Variants in NPTN observed in about 807,000 individuals in gnomAD.
The protein encoded by NPTN is SDR-1.
In NPTN, 5 loss-of-function variants were observed where a neutral mutation model predicts 42.7. The observed-to-expected ratio is 0.12, with a 90% CI of 0.06 to 0.25. The LOEUF is 0.25. NPTN is among the 10% of genes least tolerant of loss of function. NPTN has a pLI of 1.00. For missense variants in NPTN, 307 were observed against 525.4 expected (o/e 0.58, Z 4.06); for synonymous variants, 180 against 201.9 (o/e 0.89, Z 0.92).
At chr15:73,629,247 TAGGAAG>T (rs1898600736) in intron 1 of NPTN, among the ~76,000 whole-genome samples, 1 of 152,184 alleles carries the variant, frequency 6.6e-6, no homozygotes, top group African/African-American at 2.4e-5. Flanking sequence ...GTGATCTCCT[TAGGAAG>T]GGCTTTATGT....
At chr15:73,623,250 G>A (rs1264864569) in intron 1 of NPTN, among the ~76,000 whole-genome samples, 1 of 152,180 alleles carries the variant, frequency 6.6e-6, no homozygotes, top group Non-Finnish European at 1.5e-5. Context: ...GCTTCTGAAG[G>A]TTATAGTAAG....
intron 4 of NPTN, among the ~76,000 whole-genome samples, chr15:73,584,653 G>A (rs1483723784): frequency 2.2e-4 from 33 of 151,358 alleles, no homozygotes; most frequent in Admixed American, 2.0e-3. Context: ...TCTCCTGACC[G>A]GCCCTGCTCC....
At chr15:73,576,034 AG>A (rs1895676141) in intron 4 of NPTN, among the ~76,000 whole-genome samples, 1 of 152,228 alleles carries the variant, frequency 6.6e-6, no homozygotes, top group African/African-American at 2.4e-5. Context: ...GTCACTTCTT[AG>A]GCTGACTGTT....
At chr15:73,614,515 T>C (rs2141457348) in intron 1 of NPTN, among the ~76,000 whole-genome samples, 1 of 152,344 alleles carries the variant, frequency 6.6e-6, no homozygotes, top group South Asian at 2.1e-4. Context: ...AAATGCCATA[T>C]TCTATGAATC....
intron 5 of NPTN, 95 bp downstream of exon 5, chr15:73,573,567 C>G: frequency 7.3e-7 from 1 of 1,364,864 alleles, no homozygotes. Context: ...ATGCACACAT[C>G]CGAGGATACA....
rs529552855 is a variant in NPTN at position 73,633,300 on chromosome 15, C to T, written c.-85G>A. 2.1e-6 allele frequency: 2 copies of T among 972,334 alleles called. No homozygotes were observed. The highest frequency in any genetic ancestry group is 3.0e-5 in the East Asian group (1 of 32,992). 60.2% of individuals were successfully genotyped at this position (972,334 alleles called of 1,614,324 possible). ...GGAGGGGAGGGAGGGAGGGGGCGGGCGAGTGCGCGAGGGAGTGAGCGAGGG... is the reference window on the plus strand; with the variant it reads ...GGAGGGGAGGGAGGGAGGGGGCGGGTGAGTGCGCGAGGGAGTGAGCGAGGG... On this transcript the variant is annotated 5_prime_UTR_variant, in exon 1 of 9. Transcript: ENST00000345330.
intron 6 of NPTN, chr15:73,567,464 G>C: frequency 2.0e-6 from 2 of 985,264 alleles, no homozygotes; most frequent in Non-Finnish European, 2.4e-6. Flanking sequence ...ATTCCAAAAG[G>C]AGTGTACGTA....
At chr15:73,562,457 T>G (rs1205797481) in intron 7 of NPTN, among the ~76,000 whole-genome samples, 1 of 152,194 alleles carries the variant, frequency 6.6e-6, no homozygotes, top group Non-Finnish European at 1.5e-5. Flanking sequence ...ACGATACAGG[T>G]GAGAATATGT....
chr15:73,578,969 G>T (rs1895840990), intron 4 of NPTN, among the ~76,000 whole-genome samples: 1 of 149,230 alleles, frequency 6.7e-6, no homozygotes, highest in Non-Finnish European at 1.5e-5. Context: ...CTCCAGCCTG[G>T]GCGACAGAGT....
chr15:73,578,992 C>CAAAAA (rs532918109), intron 4 of NPTN, among the ~76,000 whole-genome samples: 5 of 54,712 alleles, frequency 9.1e-5, no homozygotes, highest in African/African-American at 3.3e-4. Flanking sequence ...GATTCTGTCT[C>CAAAAA]AAAAAAAAAA....
chr15:73,628,005 A>T (rs1053740387), intron 1 of NPTN, among the ~76,000 whole-genome samples: 1 of 150,514 alleles, frequency 6.6e-6, no homozygotes, highest in Admixed American at 6.6e-5. Flanking sequence ...AGGAATTTTG[A>T]AAAAAAAAAT....
intron 7 of NPTN, 31 bp from the exon 8 acceptor site, chr15:73,562,001 A>G (rs1386392900): frequency 2.0e-6 from 3 of 1,484,996 alleles, no homozygotes; most frequent in Non-Finnish European, 2.8e-6. Flanking sequence ...TACATGAGTT[A>G]AACTCAGTCA....
chr15:73,565,342 G>A (rs1355075121), intron 6 of NPTN, among the ~76,000 whole-genome samples: 4 of 152,192 alleles, frequency 2.6e-5, no homozygotes, highest in Admixed American at 1.3e-4. Flanking sequence ...GGGAAGTCAG[G>A]GGAGAGGGAA....
chr15:73,574,455 C>T lies in NPTN; in HGVS notation c.707-660G>A, dbSNP rs952507509. 7.2e-5 allele frequency among the ~76,000 whole-genome samples: 11 copies of T among 152,210 alleles called. No homozygotes were observed. In the South Asian group the frequency reaches 2.1e-3, roughly 29 times the overall value. On this transcript the variant is annotated intron_variant, in intron 4 of 8. Transcript: ENST00000345330. ...TGACTGATTGAGATGGGGTCTTATTCTATCGTCCAGGCTGGAGCATAGTGG... is the reference window on the plus strand; with the variant it reads ...TGACTGATTGAGATGGGGTCTTATTTTATCGTCCAGGCTGGAGCATAGTGG...
intron 1 of NPTN, among the ~76,000 whole-genome samples, chr15:73,604,031 T>TCGGTA (rs1897181944): frequency 6.6e-6 from 1 of 152,126 alleles, no homozygotes; most frequent in Non-Finnish European, 1.5e-5. Context: ...AAATAAGCAT[T>TCGGTA]TGGTATGACG....
intron 6 of NPTN, among the ~76,000 whole-genome samples, chr15:73,564,337 T>G (rs923763595): frequency 1.3e-5 from 2 of 152,142 alleles, no homozygotes; most frequent in African/African-American, 4.8e-5. Flanking sequence ...GTTATGGAGA[T>G]TACAGTCTCA....
At chr15:73,567,829 C>A (rs1895120632) in intron 6 of NPTN, 4 of 985,316 alleles carry the variant, frequency 4.1e-6, no homozygotes, top group Non-Finnish European at 4.8e-6. Flanking sequence ...GCAAACATTG[C>A]CATCATTCCA....
intron 3 of NPTN, among the ~76,000 whole-genome samples, chr15:73,591,318 C>A (rs1211934049): frequency 6.6e-6 from 1 of 152,212 alleles, no homozygotes; most frequent in Non-Finnish European, 1.5e-5. Context: ...CAGCCTTCAA[C>A]CAGGAACAAA....
At chr15:73,608,876 AG>A (rs1178387327) in intron 1 of NPTN, among the ~76,000 whole-genome samples, 1 of 152,234 alleles carries the variant, frequency 6.6e-6, no homozygotes, top group Non-Finnish European at 1.5e-5. Flanking sequence ...AACTGTAATA[AG>A]GGAAAGCAGG....
Sources: gnomAD v4.1 joint callset for allele counts (sites outside exome capture counted in the v4.1 genomes callset) on GRCh38, gnomAD v4.1.1 for gene constraint, MANE v1.5 for transcripts, NCBI Gene and HGNC (gene_info 2026-07-23, HGNC 2026-07-21) for gene names.